The following SHC4 variants were observed in gnomAD, a reference collection of about 807,000 sequenced individuals.
SHC4 encodes the protein SHC adaptor protein 4, also known as SHC-transforming protein 4.
Under a neutral mutation model 69.4 loss-of-function variants are expected in SHC4, and 41 were observed. That is an observed-to-expected ratio of 0.59 (90% CI 0.46 to 0.77). SHC4 has a LOEUF of 0.77. Ranked by LOEUF, SHC4 falls within the 30% of genes least tolerant of loss-of-function variation. SHC4 has a pLI of 0.00. For synonymous variants in SHC4, 318 were observed against 299.3 expected (o/e 1.06, Z -0.64); for missense variants, 777 against 783.8 (o/e 0.99, Z 0.10).
intron 8 of SHC4, among the ~76,000 whole-genome samples, chr15:48,853,138 G>A (rs1899247875): frequency 6.6e-6 from 1 of 151,760 alleles, no homozygotes; most frequent in African/African-American, 2.4e-5. Context: ...AAAGTTTCGG[G>A]ACACAAAAGC....
At chr15:48,864,529 G>C (rs1218007012) in intron 6 of SHC4, among the ~76,000 whole-genome samples, 1 of 128,148 alleles carries the variant, frequency 7.8e-6, no homozygotes, top group Non-Finnish European at 1.6e-5. Flanking sequence ...CTCACTGCAA[G>C]CTCCGCCTCC....
chr15:48,930,514 C>A (rs1900942890), intron 1 of SHC4, among the ~76,000 whole-genome samples: 1 of 152,130 alleles, frequency 6.6e-6, no homozygotes, highest in Non-Finnish European at 1.5e-5. Flanking sequence ...GGAAGAAAAT[C>A]ACTTCCCAGC....
chr15:48,916,975 G>A (rs1900635118), intron 2 of SHC4, among the ~76,000 whole-genome samples: 1 of 152,194 alleles, frequency 6.6e-6, no homozygotes, highest in South Asian at 2.1e-4. Context: ...CTGTGGTGAT[G>A]AAATAAATGT....
chr15:48,959,574 G>A (rs1477568646), intron 1 of SHC4, among the ~76,000 whole-genome samples: 1 of 152,090 alleles, frequency 6.6e-6, no homozygotes, highest in East Asian at 1.9e-4. Context: ...TGTAAACTTT[G>A]CCCCTAAATC....
intron 4 of SHC4, among the ~76,000 whole-genome samples, chr15:48,875,764 G>A (rs1432349016): frequency 6.6e-6 from 1 of 152,188 alleles, no homozygotes; most frequent in Non-Finnish European, 1.5e-5. Flanking sequence ...ATGACTGGAT[G>A]GCATTTTGGT....
intron 1 of SHC4, among the ~76,000 whole-genome samples, chr15:48,943,263 C>T (rs1006526961): frequency 3.9e-5 from 6 of 152,138 alleles, no homozygotes; most frequent in Non-Finnish European, 7.4e-5. Context: ...CATTTTCTCC[C>T]GCTCCCTGGC....
intron 4 of SHC4, among the ~76,000 whole-genome samples, chr15:48,874,797 G>C (rs1345702442): frequency 6.6e-6 from 1 of 152,208 alleles, no homozygotes; most frequent in Non-Finnish European, 1.5e-5. Flanking sequence ...AGGCTACATA[G>C]TGGCAAGTGA....
chr15:48,884,107 G>T, intron 4 of SHC4, 141 bp downstream of exon 4: 4 of 866,908 alleles, frequency 4.6e-6, no homozygotes, highest in Non-Finnish European at 6.3e-6. Context: ...TGATTGTTAT[G>T]CATAAATCTT....
chr15:48,910,930 T>A (rs1435518776), intron 2 of SHC4, among the ~76,000 whole-genome samples: 6 of 152,098 alleles, frequency 3.9e-5, no homozygotes. Flanking sequence ...TCTGAGAGAG[T>A]GCTTGATATA....
chr15:48,899,603 T>C (rs1434561602), intron 2 of SHC4, among the ~76,000 whole-genome samples: 1 of 152,102 alleles, frequency 6.6e-6, no homozygotes, highest in Non-Finnish European at 1.5e-5. Context: ...TAAATAACTC[T>C]GGTTCTTTTA....
intron 1 of SHC4, among the ~76,000 whole-genome samples, chr15:48,940,572 G>A (rs577110995): frequency 4.0e-4 from 61 of 152,252 alleles, no homozygotes; most frequent in Admixed American, 7.9e-4. Flanking sequence ...AGTGTCAAAG[G>A]CCAAAATTTT....
intron 1 of SHC4, among the ~76,000 whole-genome samples, chr15:48,944,799 G>A (rs1901245064): frequency 6.6e-6 from 1 of 152,120 alleles, no homozygotes; most frequent in Non-Finnish European, 1.5e-5. Context: ...TTTCTTACTC[G>A]AATCAGTTCA....
intron 2 of SHC4, among the ~76,000 whole-genome samples, chr15:48,899,328 A>G (rs1900277059): frequency 6.6e-6 from 1 of 152,102 alleles, no homozygotes; most frequent in Non-Finnish European, 1.5e-5. Flanking sequence ...TTAGCTGGGC[A>G]TGGTGGTGCA....
At chr15:48,933,285 A>G (rs983169982) in intron 1 of SHC4, among the ~76,000 whole-genome samples, 2 of 152,208 alleles carry the variant, frequency 1.3e-5, no homozygotes, top group East Asian at 3.8e-4. Context: ...GCAAGTCACA[A>G]TGAACAATCC....
At chr15:48,905,314 G>T (rs1382726011) in intron 2 of SHC4, among the ~76,000 whole-genome samples, 2 of 152,154 alleles carry the variant, frequency 1.3e-5, no homozygotes, top group African/African-American at 4.8e-5. Context: ...CAAAAATGAT[G>T]GATGATGGAG....
chr15:48,867,411 G>C (rs564870474), intron 6 of SHC4, among the ~76,000 whole-genome samples: 51 of 152,152 alleles, frequency 3.4e-4, no homozygotes, highest in African/African-American at 9.2e-4. Context: ...CTCTTGAACA[G>C]CAAGTACACA....
At chr15:48,924,424 A>G (rs1031615096) in intron 2 of SHC4, among the ~76,000 whole-genome samples, 1 of 152,156 alleles carries the variant, frequency 6.6e-6, no homozygotes, top group Non-Finnish European at 1.5e-5. Context: ...CCACTGTTCC[A>G]TCTAGCTCAC....
chr15:48,937,141 T>C (rs979596904), intron 1 of SHC4, among the ~76,000 whole-genome samples: 3 of 152,210 alleles, frequency 2.0e-5, no homozygotes, highest in African/African-American at 7.2e-5. Flanking sequence ...AATAGAGATG[T>C]ATATTCTGTT....
At chr15:48,928,078 C>G (rs1242748015) in intron 1 of SHC4, among the ~76,000 whole-genome samples, 1 of 152,094 alleles carries the variant, frequency 6.6e-6, no homozygotes, top group Non-Finnish European at 1.5e-5. Context: ...CTAGGGCGAG[C>G]CGAGGGACGG....
Sources: gnomAD v4.1 joint callset for allele counts (sites outside exome capture counted in the v4.1 genomes callset) on GRCh38, gnomAD v4.1.1 for gene constraint, MANE v1.5 for transcripts, NCBI Gene and HGNC (gene_info 2026-07-23, HGNC 2026-07-21) for gene names.